The following MAGI3 variants were observed in gnomAD, a reference collection of about 807,000 sequenced individuals.
MAGI3 encodes membrane-associated guanylate kinase, WW and PDZ domain-containing protein 3.
MAGI3 carries 43 observed loss-of-function variants against 121.8 expected under a neutral mutation model. That is an observed-to-expected ratio of 0.35 (90% CI 0.28 to 0.46). MAGI3 has a LOEUF of 0.46. MAGI3 is among the 20% of genes least tolerant of loss of function. The probability of loss-of-function intolerance (pLI) is 1.00; values close to 1 mark genes in which losing one functional copy is unlikely to be tolerated. For synonymous variants in MAGI3, 553 were observed against 639.3 expected (o/e 0.86, Z 2.04); for missense variants, 1,547 against 1,797.3 (o/e 0.86, Z 2.52).
chr1:113,678,234 C>A (rs547207540), intron 19 of MAGI3, among the ~76,000 whole-genome samples: 34 of 152,182 alleles, frequency 2.2e-4, no homozygotes, highest in South Asian at 1.0e-3. Flanking sequence ...AAGATATGCC[C>A]AAAGCAGTGT....
intron 1 of MAGI3, among the ~76,000 whole-genome samples, chr1:113,529,011 T>C (rs1346496501): frequency 6.6e-6 from 1 of 152,224 alleles, no homozygotes; most frequent in Non-Finnish European, 1.5e-5. Flanking sequence ...AGTTTGCTTA[T>C]TTAGATCTTA....
At chr1:113,394,074 C>G (rs186822136) in intron 1 of MAGI3, among the ~76,000 whole-genome samples, 6 of 152,314 alleles carry the variant, frequency 3.9e-5, no homozygotes, top group Non-Finnish European at 7.4e-5. Flanking sequence ...CTGATTCTTC[C>G]TAGCCTTCTT....
At chr1:113,420,836 A>G (rs915336009) in intron 1 of MAGI3, among the ~76,000 whole-genome samples, 1 of 152,162 alleles carries the variant, frequency 6.6e-6, no homozygotes, top group Admixed American at 6.5e-5. Flanking sequence ...TCTGTATCTC[A>G]GGGAATACAA....
At chr1:113,657,280 G>A (rs753868926) in intron 15 of MAGI3, among the ~76,000 whole-genome samples, 7 of 152,148 alleles carry the variant, frequency 4.6e-5, no homozygotes, top group African/African-American at 9.7e-5. Flanking sequence ...TTCCCAGTCC[G>A]TTTAGAAAAT....
intron 1 of MAGI3, among the ~76,000 whole-genome samples, chr1:113,459,713 C>T (rs181266830): frequency 2.6e-4 from 40 of 152,114 alleles, no homozygotes; most frequent in Middle Eastern, 3.4e-3. Context: ...AATTTTCAAC[C>T]GTGTTTACTG....
At chr1:113,529,830 C>T (rs1658622864) in intron 1 of MAGI3, among the ~76,000 whole-genome samples, 1 of 151,734 alleles carries the variant, frequency 6.6e-6, no homozygotes, top group Non-Finnish European at 1.5e-5. Flanking sequence ...AATATATAAT[C>T]ATGCCAATAA....
At chr1:113,476,073 A>G (rs1655802676) in intron 1 of MAGI3, among the ~76,000 whole-genome samples, 1 of 152,036 alleles carries the variant, frequency 6.6e-6, no homozygotes, top group Non-Finnish European at 1.5e-5. Context: ...CGGTGGTGAT[A>G]TCCCCTTTAT....
intron 2 of MAGI3, among the ~76,000 whole-genome samples, chr1:113,556,776 G>A (rs1660010713): frequency 6.6e-6 from 1 of 151,782 alleles, no homozygotes; most frequent in Non-Finnish European, 1.5e-5. Flanking sequence ...ATGTTGCCTA[G>A]GCTGGTCTCA....
intron 1 of MAGI3, among the ~76,000 whole-genome samples, chr1:113,530,810 C>T (rs1002258030): frequency 1.9e-4 from 29 of 151,692 alleles, no homozygotes; most frequent in South Asian, 6.2e-4. Flanking sequence ...CAGCTACTCG[C>T]GAAGCTGAGG....
At chr1:113,404,923 C>T (rs567971604) in intron 1 of MAGI3, among the ~76,000 whole-genome samples, 37 of 152,138 alleles carry the variant, frequency 2.4e-4, no homozygotes, top group African/African-American at 8.7e-4. Context: ...TATGAAATTA[C>T]GAATTTCTGT....
rs754995073 is a variant in MAGI3 at position 113,643,801 on chromosome 1, T to C, written c.1998+27T>C. 37 of 1,606,832 alleles carry C rather than the reference T, an allele frequency of 2.3e-5. No individual in the cohort carries two copies. In the South Asian group the frequency reaches 4.1e-4, roughly 18 times the overall value. ...TGAGTATACACTGGTCCTCAAATCT[T>C]TTCCCCAACACACTGAGAGAGATGC... On this transcript the variant is annotated intron_variant, in intron 11 of 20. Transcript: ENST00000307546.
intron 1 of MAGI3, among the ~76,000 whole-genome samples, chr1:113,531,828 A>G (rs1658742356): frequency 6.6e-6 from 1 of 152,218 alleles, no homozygotes; most frequent in Non-Finnish European, 1.5e-5. Flanking sequence ...TGGCTTATGC[A>G]TACTGCAGCC....
At chr1:113,666,033 A>G (rs1348080163) in intron 16 of MAGI3, among the ~76,000 whole-genome samples, 2 of 152,186 alleles carry the variant, frequency 1.3e-5, no homozygotes, top group African/African-American at 2.4e-5. Flanking sequence ...AAAACAATAT[A>G]CATACCTTAA....
intron 1 of MAGI3, among the ~76,000 whole-genome samples, chr1:113,473,969 T>G (rs897617563): frequency 1.3e-5 from 2 of 151,772 alleles, no homozygotes; most frequent in African/African-American, 4.8e-5. Flanking sequence ...CTAACTGGTG[T>G]GAGATGGTAT....
intron 11 of MAGI3, among the ~76,000 whole-genome samples, chr1:113,644,748 T>C (rs1652738301): frequency 6.6e-6 from 1 of 152,212 alleles, no homozygotes; most frequent in Admixed American, 6.5e-5. Flanking sequence ...GTGCATCAAA[T>C]GCTGCTGTTG....
chr1:113,549,625 A>C lies in MAGI3; in HGVS notation c.427A>C (p.Ile143Leu). 6.5e-7 allele frequency: 1 copy of C among 1,547,396 alleles called. No individual in the cohort carries two copies. Among genetic ancestry groups the C allele is most frequent in the Non-Finnish European group, 8.9e-7 (1 of 1,129,310 alleles). ...CAGAGATAATCTCTACTTGAGAACC[A>C]TTCCATGTAAGTATGTGATGGAATA... is the stretch of plus-strand genomic sequence containing the variant. The part of the protein sequence containing the change: ...VIRDNLYLRT[I>L]PCTTRAPRDG... The change falls in exon 2 of 21, where the codon ATT becomes CTT. Residue 143 changes from isoleucine to leucine, a missense_variant. Transcript: ENST00000307546.
At chr1:113,617,472 T>A (rs1429550655) in intron 7 of MAGI3, among the ~76,000 whole-genome samples, 3 of 152,174 alleles carry the variant, frequency 2.0e-5, no homozygotes, top group Non-Finnish European at 4.4e-5. Flanking sequence ...TTTTTTTGAG[T>A]GGCATTTTAG....
rs915428050 is a variant in MAGI3, at chr1:113,655,954, TA to T, written c.2629+1945del. 8.6e-5 allele frequency among the ~76,000 whole-genome samples: 13 copies of T among 151,718 alleles called. No homozygotes were observed. The South Asian group carries it at 1.7e-3, about 19-fold the overall frequency. ...TGTCACCGTCTCTTAACTTTTCTTT[TA>T]AAAAAAAACTTTTAAAAGTTCATCA... On this transcript the variant is annotated intron_variant, in intron 15 of 20. Transcript: ENST00000307546.
intron 1 of MAGI3, among the ~76,000 whole-genome samples, chr1:113,456,910 G>A (rs1654788551): frequency 6.6e-6 from 1 of 150,776 alleles, no homozygotes; most frequent in Non-Finnish European, 1.5e-5. Context: ...GAAATTAGAA[G>A]CAGGGCTTTT....
Sources: gnomAD v4.1 joint callset for allele counts (sites outside exome capture counted in the v4.1 genomes callset) on GRCh38, gnomAD v4.1.1 for gene constraint, MANE v1.5 for transcripts, NCBI Gene and HGNC (gene_info 2026-07-23, HGNC 2026-07-21) for gene names.